Variants in CHSY3 observed in about 807,000 individuals in gnomAD.
CHSY3 encodes the protein chondroitin sulfate synthase 3.
Under a neutral mutation model 67.2 loss-of-function variants are expected in CHSY3, and 35 were observed. The observed-to-expected ratio is 0.52, with a 90% CI of 0.40 to 0.69. CHSY3 has a LOEUF of 0.69. Ranked by LOEUF, CHSY3 falls within the 30% of genes least tolerant of loss-of-function variation. The pLI is 0.00. For synonymous variants in CHSY3, 474 were observed against 434.7 expected (o/e 1.09, Z -1.12); for missense variants, 1,069 against 1,138.5 (o/e 0.94, Z 0.88).
chr5:130,183,960 A>C (rs1277250878), intron 2 of CHSY3, among the ~76,000 whole-genome samples: 1 of 151,876 alleles, frequency 6.6e-6, no homozygotes, highest in Non-Finnish European at 1.5e-5. Context: ...AGATTTACTC[A>C]TCCCACTATA....
intron 2 of CHSY3, among the ~76,000 whole-genome samples, chr5:130,109,609 A>C (rs1455387556): frequency 6.6e-6 from 1 of 151,814 alleles, no homozygotes; most frequent in Non-Finnish European, 1.5e-5. Context: ...TCATCAATAT[A>C]GAATATAAGG....
chr5:130,179,456 T>C (rs1455327605), intron 2 of CHSY3, among the ~76,000 whole-genome samples: 1 of 152,156 alleles, frequency 6.6e-6, no homozygotes, highest in Non-Finnish European at 1.5e-5. Flanking sequence ...TGCCGTTCTA[T>C]CCCTTAATAA....
intron 2 of CHSY3, among the ~76,000 whole-genome samples, chr5:129,909,162 C>A (rs930034416): frequency 4.6e-5 from 7 of 151,914 alleles, no homozygotes; most frequent in African/African-American, 1.7e-4. Flanking sequence ...AATGTAATAA[C>A]ATTTTATTTA....
chr5:129,965,344 C>T (rs1315997312), intron 2 of CHSY3, among the ~76,000 whole-genome samples: 1 of 151,894 alleles, frequency 6.6e-6, no homozygotes, highest in Non-Finnish European at 1.5e-5. Flanking sequence ...TCTGTGACAC[C>T]ATCACGTATT....
chr5:130,169,758 G>C (rs1373509115), intron 2 of CHSY3, among the ~76,000 whole-genome samples: 1 of 150,820 alleles, frequency 6.6e-6, no homozygotes, highest in African/African-American at 2.4e-5. Flanking sequence ...AGTTAAATAA[G>C]AATCTACTTG....
intron 2 of CHSY3, among the ~76,000 whole-genome samples, chr5:130,045,113 C>T (rs1765108266): frequency 6.6e-6 from 1 of 152,098 alleles, no homozygotes; most frequent in South Asian, 2.1e-4. Flanking sequence ...ACCTCAGCCT[C>T]CCAAGTAGCT....
chr5:130,152,626 T>G (rs1317806219), intron 2 of CHSY3, among the ~76,000 whole-genome samples: 3 of 152,202 alleles, frequency 2.0e-5, no homozygotes, highest in Non-Finnish European at 4.4e-5. Context: ...ACATATGGAA[T>G]ACCTATAATT....
At chr5:129,950,009 C>T (rs541220117) in intron 2 of CHSY3, among the ~76,000 whole-genome samples, 1 of 151,724 alleles carries the variant, frequency 6.6e-6, no homozygotes, top group Non-Finnish European at 1.5e-5. Context: ...ACTAAAAATA[C>T]AAAAATTAGC....
At chr5:130,037,733 G>A (rs1386160792) in intron 2 of CHSY3, among the ~76,000 whole-genome samples, 2 of 151,984 alleles carry the variant, frequency 1.3e-5, no homozygotes, top group Non-Finnish European at 2.9e-5. Flanking sequence ...TAAAATGAAA[G>A]GAAAGGGCAA....
chr5:130,115,379 A>G (rs1240731634), intron 2 of CHSY3, among the ~76,000 whole-genome samples: 1 of 152,168 alleles, frequency 6.6e-6, no homozygotes, highest in East Asian at 1.9e-4. Context: ...CATAAATTTC[A>G]CAATTTCACA....
At chr5:130,031,924 C>T (rs1327128120) in intron 2 of CHSY3, among the ~76,000 whole-genome samples, 1 of 152,120 alleles carries the variant, frequency 6.6e-6, no homozygotes, top group Admixed American at 6.6e-5. Flanking sequence ...TGATATTTCA[C>T]AGAGGCAGGC....
At chr5:129,911,127 T>G (rs899302163) in intron 2 of CHSY3, among the ~76,000 whole-genome samples, 5 of 151,716 alleles carry the variant, frequency 3.3e-5, no homozygotes, top group Admixed American at 1.3e-4. Flanking sequence ...TGAACGTGCT[T>G]ACAGATCTTA....
intron 2 of CHSY3, among the ~76,000 whole-genome samples, chr5:130,078,869 G>T (rs1227176729): frequency 6.6e-6 from 1 of 152,146 alleles, no homozygotes; most frequent in East Asian, 1.9e-4. Flanking sequence ...AACAGCAGTG[G>T]AGAATAAGGC....
intron 2 of CHSY3, among the ~76,000 whole-genome samples, chr5:130,133,832 A>G (rs1235934730): frequency 6.8e-6 from 1 of 147,656 alleles, no homozygotes; most frequent in African/African-American, 2.5e-5. Context: ...TAAGAGAGAG[A>G]GCAGCAAAGA....
At chr5:130,086,443 T>G (rs1477217609) in intron 2 of CHSY3, among the ~76,000 whole-genome samples, 1 of 152,026 alleles carries the variant, frequency 6.6e-6, no homozygotes, top group East Asian at 1.9e-4. Context: ...CCCTGCCTTT[T>G]TTTGTTTTCC....
chr5:129,976,860 A>G (rs1009319948), intron 2 of CHSY3, among the ~76,000 whole-genome samples: 4 of 151,314 alleles, frequency 2.6e-5, no homozygotes, highest in African/African-American at 9.7e-5. Flanking sequence ...TATGTCTAAT[A>G]CTTTGCTTTG....
At position 130,068,216 on chromosome 5, in the gene CHSY3, G is replaced by A. The variant is rs144293837; in HGVS notation, c.1087-116013G>A. 3.9e-5 allele frequency among the ~76,000 whole-genome samples: 6 copies of A among 152,192 alleles called. No homozygotes were observed. In the East Asian group the frequency reaches 9.7e-4, roughly 25 times the overall value. ...ATTTCTGTTAATTAGCTCTATAATT[G>A]CAAGTGAAAGAGCTGAATACACTTG... is the stretch of plus-strand genomic sequence containing the variant. On this transcript the variant is annotated intron_variant, in intron 2 of 2. Coordinates refer to ENST00000305031, the MANE Select transcript of CHSY3 (RefSeq NM_175856.5).
chr5:129,906,842 A>AT (rs1485045719), intron 1 of CHSY3, among the ~76,000 whole-genome samples: 1 of 151,894 alleles, frequency 6.6e-6, no homozygotes, highest in African/African-American at 2.4e-5. Flanking sequence ...ATGCAAGAAA[A>AT]ACGAACAAAA....
Position 130,016,433 on chromosome 5 carries a change from C to G in CHSY3, c.1086+108073C>G, listed in dbSNP as rs930729389. Among the ~76,000 whole-genome samples, 6 of 152,202 alleles carry G rather than the reference C, an allele frequency of 3.9e-5. 1 individual carries two copies. The South Asian group carries it at 1.2e-3, about 32-fold the overall frequency. On this transcript the variant is annotated intron_variant, in intron 2 of 2. Coordinates refer to ENST00000305031, the MANE Select transcript of CHSY3 (RefSeq NM_175856.5). ...TTTATTTTATTATTATTTTTTGAGA[C>G]GAAGTCTCGCTCTTGTCCCTCAGGC...
Sources: gnomAD v4.1 joint callset for allele counts (sites outside exome capture counted in the v4.1 genomes callset) on GRCh38, gnomAD v4.1.1 for gene constraint, MANE v1.5 for transcripts, NCBI Gene and HGNC (gene_info 2026-07-23, HGNC 2026-07-21) for gene names.